Variants in BRINP3 observed in about 807,000 individuals in gnomAD.
BRINP3 encodes the protein BMP/retinoic acid-inducible neural-specific protein 3.
A neutral mutation model predicts 71.0 loss-of-function variants in BRINP3; 19 were observed. That is an observed-to-expected ratio of 0.27 (90% CI 0.19 to 0.39). The LOEUF (loss-of-function observed/expected upper bound fraction) is 0.39, where lower values mean the gene tolerates loss of function less well. Ranked by LOEUF, BRINP3 falls within the 10% of genes least tolerant of loss-of-function variation. The pLI is 1.00. For synonymous variants in BRINP3, 380 were observed against 337.7 expected, an observed-to-expected ratio of 1.13 and a Z score of -1.37; for missense variants, 959 against 940.8, an observed-to-expected ratio of 1.02 and a Z score of -0.25.
At chr1:190,268,922 C>T (rs945774207) in intron 3 of BRINP3, among the ~76,000 whole-genome samples, 2 of 152,008 alleles carry the variant, frequency 1.3e-5, no homozygotes, top group African/African-American at 4.8e-5. Context: ...TATTCAACAT[C>T]AAAATATATC....
Position 190,454,705 on chromosome 1 carries a change from ATC to A in BRINP3, c.184_185del (p.Asp62PhefsTer10). The A allele has an allele frequency of 6.2e-7, 1 of 1,614,124 alleles. No individual in the cohort carries two copies. Among genetic ancestry groups the A allele is most frequent in the Non-Finnish European group, 8.5e-7 (1 of 1,180,032 alleles). On this transcript the variant is annotated frameshift_variant, in exon 2 of 8. Coordinates refer to ENST00000367462, the MANE Select transcript of BRINP3 (RefSeq NM_199051.3). LOFTEE classifies it high-confidence loss of function. ...ATCCCTGCCGGCTTCTGTCCACAAAATCTGTGTATTCCTGTGAGCGATGGAAG... is the reference window on the plus strand; with the variant it reads ...ATCCCTGCCGGCTTCTGTCCACAAAATGTGTATTCCTGTGAGCGATGGAAG... ...GPFHRSQEYT[D>X]FVDRSRQGFS... is the part of the protein sequence containing the mutation.
chr1:190,226,676 C>T (rs1442987243), intron 5 of BRINP3, among the ~76,000 whole-genome samples: 2 of 151,794 alleles, frequency 1.3e-5, no homozygotes, highest in African/African-American at 4.8e-5. Flanking sequence ...TATTTTCTAC[C>T]AGTTGATTTC....
chr1:190,411,693 TG>T (rs1324408313), intron 2 of BRINP3, among the ~76,000 whole-genome samples: 1 of 152,126 alleles, frequency 6.6e-6, no homozygotes, highest in Non-Finnish European at 1.5e-5. Flanking sequence ...TTCACTAAAA[TG>T]ACTGTAAGAA....
chr1:190,256,445 T>C (rs1272773837), intron 4 of BRINP3, among the ~76,000 whole-genome samples: 1 of 152,214 alleles, frequency 6.6e-6, no homozygotes, highest in Non-Finnish European at 1.5e-5. Context: ...GTATCCAATT[T>C]GCCACTCTGT....
intron 2 of BRINP3, among the ~76,000 whole-genome samples, chr1:190,418,601 T>C (rs1052581452): frequency 2.0e-5 from 3 of 152,182 alleles, no homozygotes; most frequent in African/African-American, 7.2e-5. Flanking sequence ...TTTTAAAATG[T>C]GAAATAAATC....
chr1:190,216,377 A>G (rs1305403375), intron 6 of BRINP3, among the ~76,000 whole-genome samples: 1 of 151,212 alleles, frequency 6.6e-6, no homozygotes, highest in Non-Finnish European at 1.5e-5. Flanking sequence ...TACTATTTTT[A>G]TTGTAATTAA....
chr1:190,342,010 T>C (rs979888166), intron 2 of BRINP3, among the ~76,000 whole-genome samples: 28 of 50,350 alleles, frequency 5.6e-4, no homozygotes, highest in Non-Finnish European at 1.0e-3. Context: ...GCCCTATTTC[T>C]GTGTTTTTTT....
At chr1:190,255,138 G>A (rs1317524276) in intron 4 of BRINP3, among the ~76,000 whole-genome samples, 1 of 151,680 alleles carries the variant, frequency 6.6e-6, no homozygotes, top group Non-Finnish European at 1.5e-5. Context: ...TGATTATAGT[G>A]GATAAGCTTT....
rs1672379941 is a variant in BRINP3 at position 190,407,786 on chromosome 1, T to G, written c.236+46869A>C. Among the ~76,000 whole-genome samples, 4 of 152,262 alleles carry G rather than the reference T, an allele frequency of 2.6e-5. No individual in the cohort carries two copies. In the South Asian group the frequency reaches 8.3e-4, roughly 32 times the overall value. The stretch of plus-strand genomic sequence containing the variant: ...GTTGAAACCTGTAACAAATTTATCT[T>G]GGAATATATCCATAATAAACAAAAA... On this transcript the variant is annotated intron_variant, in intron 2 of 7. Coordinates refer to ENST00000367462, the MANE Select transcript of BRINP3 (RefSeq NM_199051.3).
At chr1:190,348,180 G>C (rs968021815) in intron 2 of BRINP3, among the ~76,000 whole-genome samples, 2 of 152,056 alleles carry the variant, frequency 1.3e-5, no homozygotes, top group Non-Finnish European at 2.9e-5. Context: ...AGAGAGGAAA[G>C]AAATGACTCC....
chr1:190,277,113 A>ATATATATATATATATATATATATATT (rs746851050), intron 3 of BRINP3, among the ~76,000 whole-genome samples: 108 of 107,432 alleles, frequency 1.0e-3, no homozygotes, highest in African/African-American at 1.3e-3. Flanking sequence ...ATATATATAT[A>ATATATATATATATATATATATATATT]TATATTTATA....
chr1:190,298,572 C>T (rs1664428776), intron 2 of BRINP3, among the ~76,000 whole-genome samples: 1 of 151,772 alleles, frequency 6.6e-6, no homozygotes, highest in South Asian at 2.1e-4. Context: ...GGTCTTGGGA[C>T]TTTGTCTTTA....
intron 2 of BRINP3, among the ~76,000 whole-genome samples, chr1:190,432,406 A>G (rs1458784662): frequency 6.6e-6 from 1 of 152,174 alleles, no homozygotes; most frequent in Non-Finnish European, 1.5e-5. Flanking sequence ...CTCACCCTTG[A>G]GCCATTAAAG....
At chr1:190,444,239 C>CAAAAAAAAAAAAAAA (rs764014934) in intron 2 of BRINP3, among the ~76,000 whole-genome samples, 3 of 56,310 alleles carry the variant, frequency 5.3e-5, no homozygotes, top group Admixed American at 3.3e-4. Context: ...AACTCCGTCT[C>CAAAAAAAAAAAAAAA]AAAAAAAAAA....
At chr1:190,203,713 T>C (rs970565553) in intron 6 of BRINP3, among the ~76,000 whole-genome samples, 16 of 129,394 alleles carry the variant, frequency 1.2e-4, no homozygotes, top group Non-Finnish European at 2.6e-4. Context: ...AAAATATAAG[T>C]GTGCATTTTA....
chr1:190,272,542 C>T (rs1292116874), intron 3 of BRINP3, among the ~76,000 whole-genome samples: 9 of 151,424 alleles, frequency 5.9e-5, no homozygotes, highest in Non-Finnish European at 1.3e-4. Context: ...TAAATGTTAT[C>T]TTTCTCTCTT....
intron 6 of BRINP3, among the ~76,000 whole-genome samples, chr1:190,224,590 TAAA>T (rs1373343220): frequency 6.6e-6 from 1 of 151,824 alleles, no homozygotes; most frequent in African/African-American, 2.4e-5. Flanking sequence ...TTTTTGTTTG[TAAA>T]ACCTCAACAT....
At chr1:190,377,373 T>C (rs1040802493) in intron 2 of BRINP3, among the ~76,000 whole-genome samples, 3 of 151,956 alleles carry the variant, frequency 2.0e-5, no homozygotes, top group Admixed American at 6.6e-5. Context: ...CAATACTTAA[T>C]GGTGAATGAC....
At chr1:190,220,447 G>A (rs1274309463) in intron 6 of BRINP3, among the ~76,000 whole-genome samples, 2 of 152,008 alleles carry the variant, frequency 1.3e-5, no homozygotes, top group East Asian at 1.9e-4. Flanking sequence ...TGTTGGTGAC[G>A]GGTTGATGGG....
Sources: gnomAD v4.1 joint callset for allele counts (sites outside exome capture counted in the v4.1 genomes callset) on GRCh38, gnomAD v4.1.1 for gene constraint, MANE v1.5 for transcripts, NCBI Gene and HGNC (gene_info 2026-07-23, HGNC 2026-07-21) for gene names.